Variants in RAPGEF4 observed in about 807,000 individuals in gnomAD.
RAPGEF4 encodes the protein RAP guanine-nucleotide-exchange factor (GEF) 4.
Under a neutral mutation model 147.9 loss-of-function variants are expected in RAPGEF4, and 66 were observed. That is an observed-to-expected ratio of 0.45 (90% CI 0.37 to 0.55). RAPGEF4 has a LOEUF of 0.55. Among genes scored for constraint, RAPGEF4 ranks in the 20% least tolerant of loss-of-function variants. RAPGEF4 has a pLI of 0.00. For missense variants in RAPGEF4, 1,071 were observed against 1,257.3 expected (o/e 0.85, Z 2.24); for synonymous variants, 419 against 442.7 (o/e 0.95, Z 0.67).
chr2:172,916,397 C>G (rs893008780), intron 4 of RAPGEF4, among the ~76,000 whole-genome samples: 3 of 152,218 alleles, frequency 2.0e-5, no homozygotes, highest in Non-Finnish European at 4.4e-5. Flanking sequence ...CTCCTCTGCT[C>G]TCTCTGGGCC....
At chr2:172,859,013 A>G (rs1472072349) in intron 4 of RAPGEF4, among the ~76,000 whole-genome samples, 1 of 152,222 alleles carries the variant, frequency 6.6e-6, no homozygotes, top group Non-Finnish European at 1.5e-5. Flanking sequence ...AGGGAAATGA[A>G]TATATAAAGC....
intron 3 of RAPGEF4, among the ~76,000 whole-genome samples, chr2:172,810,134 T>C (rs1687885943): frequency 6.6e-6 from 1 of 152,178 alleles, no homozygotes; most frequent in Non-Finnish European, 1.5e-5. Context: ...CTAAGAAGTA[T>C]GTGGGTAGAT....
chr2:172,856,879 CTG>C (rs1324173855), intron 4 of RAPGEF4, among the ~76,000 whole-genome samples: 1 of 152,124 alleles, frequency 6.6e-6, no homozygotes, highest in African/African-American at 2.4e-5. Context: ...TCTGGCCACA[CTG>C]TGGAACTGAC....
intron 6 of RAPGEF4, among the ~76,000 whole-genome samples, chr2:172,948,261 G>A (rs566277824): frequency 1.3e-5 from 2 of 152,234 alleles, no homozygotes; most frequent in South Asian, 2.1e-4. Context: ...CTTTTATGTG[G>A]CAGTAGATTT....
chr2:172,906,563 G>A (rs894649815), intron 4 of RAPGEF4, among the ~76,000 whole-genome samples: 1 of 152,218 alleles, frequency 6.6e-6, no homozygotes, highest in Non-Finnish European at 1.5e-5. Context: ...GAGGGGGAAA[G>A]CAAGGGGACA....
At chr2:172,935,534 C>T (rs1686473068) in intron 6 of RAPGEF4, among the ~76,000 whole-genome samples, 1 of 152,198 alleles carries the variant, frequency 6.6e-6, no homozygotes, top group Non-Finnish European at 1.5e-5. Flanking sequence ...AAACTGCCCC[C>T]TTCGATTGAT....
rs1156842520 is a variant in RAPGEF4 at position 172,735,977 on chromosome 2, G to A, written c.-7G>A. 1 of 1,465,732 alleles carries A rather than the reference G, an allele frequency of 6.8e-7. No individual in the cohort carries two copies. 90.8% of individuals were successfully genotyped at this position (1,465,732 alleles called of 1,614,324 possible). ...GCAGCCAGGGACACCGCGCGCCGCC[G>A]CTCAACATGGTCGCTGCGCACGCTG... On this transcript the variant is annotated 5_prime_UTR_variant, in exon 1 of 31. Coordinates refer to ENST00000397081, the MANE Select transcript of RAPGEF4 (RefSeq NM_007023.4).
At chr2:173,047,095 A>G (rs980166314) in intron 29 of RAPGEF4, among the ~76,000 whole-genome samples, 3 of 152,146 alleles carry the variant, frequency 2.0e-5, no homozygotes, top group Non-Finnish European at 4.4e-5. Flanking sequence ...TGTTGTAATT[A>G]ATCTATTATC....
chr2:172,805,639 T>G (rs780367501), intron 3 of RAPGEF4, among the ~76,000 whole-genome samples: 27 of 152,256 alleles, frequency 1.8e-4, no homozygotes, highest in Non-Finnish European at 2.6e-4. Context: ...TTCACGTAGA[T>G]TTCCACTGGG....
chr2:172,869,582 T>C (rs894805382), intron 4 of RAPGEF4, among the ~76,000 whole-genome samples: 8 of 152,234 alleles, frequency 5.3e-5, no homozygotes, highest in Non-Finnish European at 1.2e-4. Context: ...TGGGGGTGTT[T>C]GTCAGCTCAG....
chr2:172,905,507 A>G (rs907381156), intron 4 of RAPGEF4, among the ~76,000 whole-genome samples: 5 of 152,224 alleles, frequency 3.3e-5, no homozygotes, highest in African/African-American at 9.6e-5. Flanking sequence ...GAGGCTCCCT[A>G]CATGTATGGG....
At chr2:172,979,875 A>G (rs1392104859) in intron 10 of RAPGEF4, among the ~76,000 whole-genome samples, 1 of 152,120 alleles carries the variant, frequency 6.6e-6, no homozygotes, top group East Asian at 1.9e-4. Flanking sequence ...AAAATTAGCC[A>G]GACGTGGTGG....
At chr2:172,909,065 C>T (rs532065843) in intron 4 of RAPGEF4, among the ~76,000 whole-genome samples, 3 of 152,238 alleles carry the variant, frequency 2.0e-5, no homozygotes, top group African/African-American at 7.2e-5. Flanking sequence ...GTATTAGCAC[C>T]ATGGCAGGGT....
At chr2:172,831,050 G>T (rs1336781958) in intron 4 of RAPGEF4, among the ~76,000 whole-genome samples, 1 of 151,804 alleles carries the variant, frequency 6.6e-6, no homozygotes, top group Non-Finnish European at 1.5e-5. Flanking sequence ...TCCTGAAAAA[G>T]AAAAATCAAT....
rs752557577 is a variant in RAPGEF4, at chr2:173,017,471, C to G, written c.1975C>G (p.Gln659Glu). The G allele has an allele frequency of 1.2e-6, 2 of 1,614,124 alleles. No homozygotes were observed. Among genetic ancestry groups the G allele is most frequent in the Non-Finnish European group, 1.7e-6 (2 of 1,180,012 alleles). The change falls in exon 21 of 31, where the codon CAG becomes GAG. Residue 659 changes from glutamine (Q) to glutamate (E), a missense_variant. Physicochemically the swap from Gln to Glu is conservative, Grantham distance 29. Transcript: ENST00000397081. ...QQFNTGDERA[Q>E]KRQPIRGSDE... The stretch of plus-strand genomic sequence containing the variant: ...GTTCAATACGGGCGATGAGAGAGCC[C>G]AGAAGCGCCAGCCTATCCGCGGCTC...
chr2:172,905,109 A>G (rs1477480161), intron 4 of RAPGEF4, among the ~76,000 whole-genome samples: 5 of 151,626 alleles, frequency 3.3e-5, no homozygotes, highest in Non-Finnish European at 7.4e-5. Context: ...CGCTTCCCCT[A>G]TCCCCCAAGC....
At chr2:172,825,564 G>A (rs1689576994) in intron 4 of RAPGEF4, among the ~76,000 whole-genome samples, 1 of 151,974 alleles carries the variant, frequency 6.6e-6, no homozygotes. Flanking sequence ...CCTCTTTTGG[G>A]ACATGTTATT....
At chr2:172,835,822 T>G (rs1690862276) in intron 4 of RAPGEF4, among the ~76,000 whole-genome samples, 1 of 152,214 alleles carries the variant, frequency 6.6e-6, no homozygotes, top group Non-Finnish European at 1.5e-5. Context: ...ACATTTCCAA[T>G]TCAGAAATCA....
intron 6 of RAPGEF4, among the ~76,000 whole-genome samples, chr2:172,950,321 G>A (rs1019843679): frequency 3.9e-5 from 6 of 152,158 alleles, no homozygotes; most frequent in Non-Finnish European, 7.3e-5. Context: ...GGGCCGTGGG[G>A]CTTGGCCAAG....
Sources: allele counts gnomAD v4.1 joint callset (sites outside exome capture counted in the v4.1 genomes callset), GRCh38; gene constraint gnomAD v4.1.1; transcripts MANE v1.5; gene names NCBI Gene and HGNC (gene_info 2026-07-23, HGNC 2026-07-21).